The following LAYN variants were observed in gnomAD, a reference collection of about 807,000 sequenced individuals.
The protein encoded by LAYN is layilin.
Under a neutral mutation model 43.6 loss-of-function variants are expected in LAYN, and 38 were observed. The observed-to-expected ratio is 0.87, with a 90% CI of 0.67 to 1.14. LAYN has a LOEUF of 1.14. Among genes scored for constraint, LAYN ranks in the 50% most tolerant of loss-of-function variants. The pLI is 0.00. For synonymous variants in LAYN, 168 were observed against 172.9 expected (o/e 0.97, Z 0.22); for missense variants, 479 against 463.8 (o/e 1.03, Z -0.30).
chr11:111,557,189 CA>C, intron 5 of LAYN, among the ~76,000 whole-genome samples: 1 of 150,640 alleles, frequency 6.6e-6, no homozygotes, highest in East Asian at 1.9e-4. Flanking sequence ...AAAAAAAAAA[CA>C]AAAAGCTTAA....
intron 6 of LAYN, among the ~76,000 whole-genome samples, chr11:111,558,783 A>AAAAG (rs386374901): frequency 7.0e-6 from 1 of 143,134 alleles, no homozygotes; most frequent in African/African-American, 2.6e-5. Flanking sequence ...TATTTAAAAA[A>AAAAG]ATATATATAT....
At chr11:111,546,397 T>A (rs1360598117) in intron 2 of LAYN, among the ~76,000 whole-genome samples, 1 of 152,212 alleles carries the variant, frequency 6.6e-6, no homozygotes, top group Non-Finnish European at 1.5e-5. Context: ...TAACTAGATG[T>A]ACCAACTAAA....
chr11:111,551,144 G>A (rs548507090), intron 3 of LAYN, among the ~76,000 whole-genome samples: 1 of 152,256 alleles, frequency 6.6e-6, no homozygotes, highest in African/African-American at 2.4e-5. Flanking sequence ...TAAAAGGAGG[G>A]AATGGTTTTA....
In LAYN at chr11:111,557,583, CCCTTCTCCTCCTCCT is replaced by C; in HGVS notation, c.702_716del (p.Leu235_Leu239del). On this transcript the variant is annotated inframe_deletion, in exon 6 of 7. Transcript: ENST00000375614. The stretch of plus-strand genomic sequence containing the variant: ...GCCTACATCCTAATCCCCAGCATTC[CCCTTCTCCTCCTCCT>C]TGTGGTCACCACAGTTGTATGTTGG... 1 of 1,614,114 alleles carries C rather than the reference CCCTTCTCCTCCTCCT, an allele frequency of 6.2e-7. No individual in the cohort carries two copies. The highest frequency in any genetic ancestry group is 8.5e-7 in the Non-Finnish European group (1 of 1,180,026).
At chr11:111,553,311 T>A (rs182544001) in intron 3 of LAYN, among the ~76,000 whole-genome samples, 1 of 152,220 alleles carries the variant, frequency 6.6e-6, no homozygotes, top group East Asian at 1.9e-4. Context: ...TTGAGTTTGA[T>A]TTTATAAAAC....
In LAYN at chr11:111,540,728, C is replaced by G; in HGVS notation, c.-116C>G. On this transcript the variant is annotated 5_prime_UTR_variant, in exon 1 of 7. Coordinates refer to ENST00000375614, the MANE Select transcript of LAYN (RefSeq NM_178834.5). ...CCTCCCCCCCGCCTCCCGTGCGGTC[C>G]GTCGGTGGCCTAGAGATGCTGCTGC... 9.8e-7 allele frequency: 1 copy of G among 1,017,274 alleles called. No individual in the cohort carries two copies. The highest frequency in any genetic ancestry group is 1.4e-6 in the Non-Finnish European group (1 of 735,486). 63.0% of individuals were successfully genotyped at this position (1,017,274 alleles called of 1,614,324 possible).
intron 6 of LAYN, among the ~76,000 whole-genome samples, chr11:111,559,474 T>C (rs1867907492): frequency 6.6e-6 from 1 of 151,892 alleles, no homozygotes; most frequent in Non-Finnish European, 1.5e-5. Flanking sequence ...TTTATTTTAT[T>C]TTATTTTTGA....
chr11:111,547,005 C>T (rs1165642787), intron 2 of LAYN, among the ~76,000 whole-genome samples: 1 of 152,208 alleles, frequency 6.6e-6, no homozygotes, highest in Non-Finnish European at 1.5e-5. Flanking sequence ...TCTGCTTGCA[C>T]ACAGCCTAGA....
chr11:111,553,269 A>G (rs1462069392), intron 3 of LAYN, among the ~76,000 whole-genome samples: 1 of 152,042 alleles, frequency 6.6e-6, no homozygotes, highest in Non-Finnish European at 1.5e-5. Context: ...ATAAATAAAC[A>G]ACAATAATAA....
At chr11:111,550,208 A>G (rs1391958890) in intron 3 of LAYN, among the ~76,000 whole-genome samples, 1 of 152,222 alleles carries the variant, frequency 6.6e-6, no homozygotes, top group Non-Finnish European at 1.5e-5. Context: ...AGCACGATAC[A>G]TATGTAAATG....
intron 3 of LAYN, among the ~76,000 whole-genome samples, chr11:111,551,857 A>G (rs1867749205): frequency 6.6e-6 from 1 of 152,202 alleles, no homozygotes; most frequent in African/African-American, 2.4e-5. Context: ...ATAGTATTGC[A>G]TCAATGTTAA....
chr11:111,549,545 C>G, intron 2 of LAYN, 73 bp from the exon 3 acceptor site: 1 of 1,280,538 alleles, frequency 7.8e-7, no homozygotes, highest in South Asian at 1.7e-5. Context: ...TGAGACTTGA[C>G]GGGAAAACAA....
chr11:111,543,318 TA>T (rs1276214783), intron 1 of LAYN, among the ~76,000 whole-genome samples: 27 of 152,246 alleles, frequency 1.8e-4, no homozygotes, highest in African/African-American at 6.5e-4. Context: ...GCCCTTACCA[TA>T]GTTTATGGCA....
chr11:111,544,275 G>A, intron 2 of LAYN, 55 bp downstream of exon 2: 1 of 1,539,472 alleles, frequency 6.5e-7, no homozygotes, highest in Non-Finnish European at 8.8e-7. Context: ...CAAAAAAGAG[G>A]CAGGCTGGAT....
In LAYN at chr11:111,560,692, C is replaced by G. The variant is rs1867941327; in HGVS notation, c.*234C>G. 1 of 508,324 alleles carries G rather than the reference C, an allele frequency of 2.0e-6. No individual in the cohort carries two copies. The highest frequency in any genetic ancestry group is 3.5e-6 in the Non-Finnish European group (1 of 284,794). 31.5% of individuals were successfully genotyped at this position (508,324 alleles called of 1,614,324 possible). The stretch of plus-strand genomic sequence containing the variant: ...GAAGGTACCTTGCCCAGGTCTGGCA[C>G]ATAGTAGAGTCTCAATAAATGTCAC... On this transcript the variant is annotated 3_prime_UTR_variant, in exon 7 of 7. Coordinates refer to ENST00000375614, the MANE Select transcript of LAYN (RefSeq NM_178834.5).
At chr11:111,543,061 C>T (rs1317978394) in intron 1 of LAYN, among the ~76,000 whole-genome samples, 1 of 152,122 alleles carries the variant, frequency 6.6e-6, no homozygotes, top group African/African-American at 2.4e-5. Context: ...TACATAGGCT[C>T]CCAGTAAAAC....
intron 1 of LAYN, among the ~76,000 whole-genome samples, chr11:111,542,220 T>C (rs75218996): frequency 0.055 from 8,390 of 152,250 alleles, 762 homozygotes; most frequent in African/African-American, 0.19. Flanking sequence ...CCAGCCCCCT[T>C]CCCGGGGGTA....
intron 3 of LAYN, among the ~76,000 whole-genome samples, chr11:111,553,997 T>C (rs1867789219): frequency 6.6e-6 from 1 of 152,200 alleles, no homozygotes; most frequent in Non-Finnish European, 1.5e-5. Context: ...CAAGACACTT[T>C]GAAATATGTA....
At chr11:111,543,784 C>A in intron 1 of LAYN, 139 bp from the exon 2 acceptor site, 1 of 683,350 alleles carries the variant, frequency 1.5e-6, no homozygotes, top group Non-Finnish European at 2.4e-6. Flanking sequence ...CTCTGAGAAC[C>A]CCAACTGACA....
Sources: allele counts gnomAD v4.1 joint callset (sites outside exome capture counted in the v4.1 genomes callset), GRCh38; gene constraint gnomAD v4.1.1; transcripts MANE v1.5; gene names NCBI Gene and HGNC (gene_info 2026-07-23, HGNC 2026-07-21).